DYM: variants seen among roughly 807,000 people sequenced by gnomAD.
DYM encodes dyggve-Melchior-Clausen syndrome protein.
DYM carries 78 observed loss-of-function variants against 93.1 expected under a neutral mutation model. That is an observed-to-expected ratio of 0.84 (90% CI 0.70 to 1.01). The LOEUF is 1.01. Among genes scored for constraint, DYM ranks in the 50% least tolerant of loss-of-function variants. The pLI is 0.00. For missense variants in DYM, 789 were observed against 845.0 expected, an observed-to-expected ratio of 0.93 and a Z score of 0.82; for synonymous variants, 321 against 319.7, an observed-to-expected ratio of 1.00 and a Z score of -0.04.
At chr18:49,199,425 C>G (rs1392079009) in intron 14 of DYM, among the ~76,000 whole-genome samples, 2 of 152,168 alleles carry the variant, frequency 1.3e-5, no homozygotes, top group African/African-American at 2.4e-5. Context: ...CTTTTCTGAT[C>G]TGAATTTACT....
chr18:49,345,707 C>G (rs998651412), intron 6 of DYM, among the ~76,000 whole-genome samples: 2 of 151,866 alleles, frequency 1.3e-5, no homozygotes, highest in African/African-American at 2.4e-5. Context: ...AGCCTAAAAG[C>G]TATAAAAGAT....
chr18:49,059,812 C>T (rs768064706), intron 17 of DYM, among the ~76,000 whole-genome samples: 3 of 152,202 alleles, frequency 2.0e-5, no homozygotes, highest in Non-Finnish European at 4.4e-5. Context: ...CAACCAGCTA[C>T]AAGCCATTAA....
At chr18:49,269,848 C>T (rs939475042) in intron 11 of DYM, among the ~76,000 whole-genome samples, 2 of 152,166 alleles carry the variant, frequency 1.3e-5, no homozygotes, top group Non-Finnish European at 2.9e-5. Context: ...TCTACGATAG[C>T]ATACAGTAAT....
chr18:49,144,957 G>A (rs1277640233), intron 15 of DYM, among the ~76,000 whole-genome samples: 4 of 150,640 alleles, frequency 2.7e-5, no homozygotes, highest in Non-Finnish European at 5.9e-5. Flanking sequence ...AAACTTAGTT[G>A]AGCGTGGTGA....
intron 15 of DYM, among the ~76,000 whole-genome samples, chr18:49,120,661 C>G (rs1223376369): frequency 6.6e-6 from 1 of 152,146 alleles, no homozygotes; most frequent in African/African-American, 2.4e-5. Flanking sequence ...ATATGGAGGA[C>G]TGACTTATAT....
intron 17 of DYM, among the ~76,000 whole-genome samples, chr18:49,058,522 G>A (rs1331532159): frequency 6.6e-6 from 1 of 152,046 alleles, no homozygotes; most frequent in African/African-American, 2.4e-5. Context: ...GTCTCACTAT[G>A]TTGCCCAGGC....
intron 16 of DYM, among the ~76,000 whole-genome samples, chr18:49,115,201 T>C (rs1232343502): frequency 6.6e-6 from 1 of 152,204 alleles, no homozygotes; most frequent in Non-Finnish European, 1.5e-5. Flanking sequence ...TAAAAGCTAG[T>C]GATGATTAGA....
Position 49,157,983 on chromosome 18 carries a change from A to T in DYM, c.1728+5702T>A, listed in dbSNP as rs115890187. ...AATAATTACTGAACACCTATTATACACCAGACACTGTGCTGGATACAAACA... is the reference window on the plus strand; with the variant it reads ...AATAATTACTGAACACCTATTATACTCCAGACACTGTGCTGGATACAAACA... On this transcript the variant is annotated intron_variant, in intron 15 of 17. Transcript: ENST00000675505. Among the ~76,000 whole-genome samples, 927 of 152,304 alleles carry T rather than the reference A, an allele frequency of 6.1e-3. 10 individuals carry two copies. The highest frequency in any genetic ancestry group is 0.021 in the African/African-American group (878 of 41,560).
intron 17 of DYM, among the ~76,000 whole-genome samples, chr18:49,081,350 G>A (rs1239995152): frequency 7.2e-5 from 11 of 151,798 alleles, no homozygotes; most frequent in Non-Finnish European, 1.6e-4. Context: ...AAAAAAGTAC[G>A]AAAACCAGTC....
At chr18:49,074,765 G>C (rs1286748866) in intron 17 of DYM, among the ~76,000 whole-genome samples, 1 of 152,170 alleles carries the variant, frequency 6.6e-6, no homozygotes, top group Non-Finnish European at 1.5e-5. Flanking sequence ...CTGAAGAACC[G>C]TTACTTGTAA....
At chr18:49,358,948 G>A (rs1159734135) in intron 6 of DYM, among the ~76,000 whole-genome samples, 1 of 152,150 alleles carries the variant, frequency 6.6e-6, no homozygotes, top group African/African-American at 2.4e-5. Context: ...AAAATACAAG[G>A]ATGGGTCTAT....
chr18:49,351,671 A>G (rs1462899399), intron 6 of DYM, among the ~76,000 whole-genome samples: 5 of 152,120 alleles, frequency 3.3e-5, no homozygotes, highest in Admixed American at 3.3e-4. Context: ...TTAGACAATA[A>G]TGGAATATCT....
chr18:49,156,394 T>C (rs2086437681), intron 15 of DYM, among the ~76,000 whole-genome samples: 1 of 151,452 alleles, frequency 6.6e-6, no homozygotes. Context: ...AAAAGAGAAG[T>C]GTGGAAGACA....
intron 2 of DYM, among the ~76,000 whole-genome samples, chr18:49,392,587 A>G (rs2069392235): frequency 6.6e-6 from 1 of 151,600 alleles, no homozygotes; most frequent in African/African-American, 2.4e-5. Context: ...ATGGCCAATA[A>G]GTACATGAAA....
At chr18:49,098,169 A>G (rs1013370897) in intron 16 of DYM, among the ~76,000 whole-genome samples, 1 of 152,366 alleles carries the variant, frequency 6.6e-6, no homozygotes, top group Non-Finnish European at 1.5e-5. Flanking sequence ...TCAGCAAATT[A>G]TTTTTAAAAC....
intron 14 of DYM, among the ~76,000 whole-genome samples, chr18:49,166,754 C>A (rs887338601): frequency 1.3e-5 from 2 of 152,070 alleles, no homozygotes; most frequent in Admixed American, 6.6e-5. Flanking sequence ...GCTAAAAGAA[C>A]TTTGGGTAGT....
intron 13 of DYM, among the ~76,000 whole-genome samples, chr18:49,256,660 C>T (rs2094399201): frequency 1.3e-5 from 2 of 152,184 alleles, no homozygotes; most frequent in Non-Finnish European, 2.9e-5. Context: ...AAAACGCACA[C>T]AGATAAATCC....
At chr18:49,136,641 T>C (rs2083882599) in intron 15 of DYM, among the ~76,000 whole-genome samples, 1 of 152,132 alleles carries the variant, frequency 6.6e-6, no homozygotes, top group African/African-American at 2.4e-5. Flanking sequence ...TGGGAAGAAG[T>C]GTGTAGAAAC....
chr18:49,360,761 A>T (rs2147317708), intron 6 of DYM, among the ~76,000 whole-genome samples: 1 of 152,354 alleles, frequency 6.6e-6, no homozygotes, highest in East Asian at 1.9e-4. Flanking sequence ...CATGTAAAAG[A>T]AACCTAACCA....
Sources: allele counts gnomAD v4.1 joint callset (sites outside exome capture counted in the v4.1 genomes callset), GRCh38; gene constraint gnomAD v4.1.1; transcripts MANE v1.5; gene names NCBI Gene and HGNC (gene_info 2026-07-23, HGNC 2026-07-21).